Variants in MS4A13 observed in about 807,000 individuals in gnomAD.
MS4A13 encodes membrane spanning 4-domains A13.
In MS4A13, 21 loss-of-function variants were observed where a neutral mutation model predicts 18.4. That is an observed-to-expected ratio of 1.14 (90% confidence interval 0.81 to 1.64). MS4A13 has a LOEUF of 1.64. MS4A13 is among the 40% of genes most tolerant of loss of function. The pLI, the probability that MS4A13 is intolerant of heterozygous loss-of-function variation, is 0.00. For synonymous variants in MS4A13, 62 were observed against 57.2 expected (o/e 1.08, Z -0.38); for missense variants, 173 against 176.8 (o/e 0.98, Z 0.12).
chr11:60,529,692 CT>C (rs1379258231), intron 6 of MS4A13, among the ~76,000 whole-genome samples: 1 of 151,996 alleles, frequency 6.6e-6, no homozygotes, highest in Non-Finnish European at 1.5e-5. Flanking sequence ...AGTGATTTTT[CT>C]TTAATATAGT....
At chr11:60,520,764 G>C (rs552457288) in intron 3 of MS4A13, among the ~76,000 whole-genome samples, 4 of 152,198 alleles carry the variant, frequency 2.6e-5, no homozygotes, top group Non-Finnish European at 5.9e-5. Context: ...TACCATTCTG[G>C]GGTCTGGAGG....
intron 5 of MS4A13, among the ~76,000 whole-genome samples, chr11:60,527,410 C>CTCTCTCTCTCTGTGTGTG (rs1555024373): frequency 3.5e-5 from 1 of 28,788 alleles, no homozygotes; most frequent in African/African-American, 1.6e-4. Flanking sequence ...CTCTCTCTCT[C>CTCTCTCTCTCTGTGTGTG]TGTGTGTGTG....
chr11:60,520,493 C>T (rs138954198), intron 3 of MS4A13, among the ~76,000 whole-genome samples: 12 of 152,280 alleles, frequency 7.9e-5, no homozygotes, highest in East Asian at 3.9e-4. Context: ...GTTCCAAATG[C>T]GAGAAATTGG....
At chr11:60,526,139 G>T (rs1055572133) in intron 5 of MS4A13, among the ~76,000 whole-genome samples, 2 of 152,086 alleles carry the variant, frequency 1.3e-5, no homozygotes, top group South Asian at 2.1e-4. Flanking sequence ...TCAGAGGAAA[G>T]AACCCAAACC....
intron 4 of MS4A13, 68 bp from the exon 5 acceptor site, chr11:60,525,139 C>A: frequency 8.4e-7 from 1 of 1,192,204 alleles, no homozygotes; most frequent in Non-Finnish European, 1.2e-6. Flanking sequence ...GTTTTTTCAG[C>A]AATGCAAACT....
chr11:60,540,946 C>T (rs145996772), intron 6 of MS4A13, among the ~76,000 whole-genome samples: 2,031 of 135,684 alleles, frequency 0.015, 21 homozygotes, highest in African/African-American at 0.026. Flanking sequence ...CAGAGTAAAA[C>T]CCTATCTCAC....
At chr11:60,527,886 G>C (rs2086732014) in intron 5 of MS4A13, among the ~76,000 whole-genome samples, 1 of 152,060 alleles carries the variant, frequency 6.6e-6, no homozygotes, top group Non-Finnish European at 1.5e-5. Context: ...TGGGTAAAAT[G>C]ACTTTTCACA....
chr11:60,524,034 TA>T, intron 4 of MS4A13, 81 bp downstream of exon 4: 1 of 846,822 alleles, frequency 1.2e-6, no homozygotes. Context: ...ATATAACGTC[TA>T]AACAATGAAG....
At chr11:60,522,018 T>G (rs992047717) in intron 3 of MS4A13, among the ~76,000 whole-genome samples, 3 of 152,084 alleles carry the variant, frequency 2.0e-5, no homozygotes, top group South Asian at 2.1e-4. Context: ...AAACTCCCAT[T>G]TTTAAAACCA....
At chr11:60,543,197 C>T (rs182319127), downstream of MS4A13, among the ~76,000 whole-genome samples, 33 of 152,268 alleles carry the variant, frequency 2.2e-4, no homozygotes, top group Admixed American at 2.0e-3. Context: ...AGCAGACAGA[C>T]TGTCCACAAT....
rs138544018 is a variant in MS4A13 at position 60,518,154 on chromosome 11, C to T, written c.71C>T (p.Ala24Val). The change falls in exon 3 of 7, where the codon GCC becomes GTC. Residue 24 changes from alanine (A) to valine (V), a missense_variant. Transcript: ENST00000378186. Reference protein sequence around the residue: ...LVLYMGQIKGAFGTYEPVTYK... With the variant: ...LVLYMGQIKGVFGTYEPVTYK... ...TTGTATATGGGACAAATTAAAGGAGCCTTTGGAACGTATGAACCTGTAACT... is the reference window on the plus strand; with the variant it reads ...TTGTATATGGGACAAATTAAAGGAGTCTTTGGAACGTATGAACCTGTAACT... The T allele has an allele frequency of 1.9e-6, 3 of 1,611,660 alleles. No homozygotes were observed. Among genetic ancestry groups the T allele is most frequent in the African/African-American group, 1.3e-5 (1 of 74,942 alleles).
intron 3 of MS4A13, among the ~76,000 whole-genome samples, chr11:60,521,981 A>T (rs1448476620): frequency 6.6e-6 from 1 of 152,162 alleles, no homozygotes; most frequent in Admixed American, 6.6e-5. Context: ...GAATGGCAGC[A>T]GGCAAAGAGA....
At chr11:60,532,230 C>T (rs574511992) in intron 6 of MS4A13, among the ~76,000 whole-genome samples, 6 of 152,290 alleles carry the variant, frequency 3.9e-5, no homozygotes, top group South Asian at 2.1e-4. Flanking sequence ...ACGCAGAAGA[C>T]GGGTGATTTC....
chr11:60,518,836 A>T (rs1320458998), intron 3 of MS4A13, among the ~76,000 whole-genome samples: 2 of 152,230 alleles, frequency 1.3e-5, no homozygotes, highest in Non-Finnish European at 1.5e-5. Context: ...GTAGGAGTTG[A>T]TTTAAGAAAA....
chr11:60,532,643 G>A (rs2086780164), intron 6 of MS4A13, among the ~76,000 whole-genome samples: 1 of 151,750 alleles, frequency 6.6e-6, no homozygotes, highest in South Asian at 2.1e-4. Flanking sequence ...AAAGCAGCCT[G>A]GAAGCTCGAA....
intron 3 of MS4A13, among the ~76,000 whole-genome samples, chr11:60,521,163 A>T (rs766520139): frequency 1.4e-4 from 21 of 152,318 alleles, no homozygotes; most frequent in Non-Finnish European, 1.9e-4. Flanking sequence ...CGGCCCATGA[A>T]ACCACTTTTT....
At chr11:60,543,346 T>G (rs771372869), downstream of MS4A13, among the ~76,000 whole-genome samples, 1 of 152,180 alleles carries the variant, frequency 6.6e-6, no homozygotes, top group Non-Finnish European at 1.5e-5. Context: ...ATTTCAGCAC[T>G]TATCTCATTT....
chr11:60,524,799 A>T (rs902776384), intron 4 of MS4A13, among the ~76,000 whole-genome samples: 1 of 151,628 alleles, frequency 6.6e-6, no homozygotes, highest in African/African-American at 2.4e-5. Flanking sequence ...AGCTGGGCCT[A>T]CAGGTGCCCG....
chr11:60,516,907 A>G (rs1195583157), intron 2 of MS4A13, among the ~76,000 whole-genome samples: 2 of 152,008 alleles, frequency 1.3e-5, no homozygotes, highest in Admixed American at 6.6e-5. Flanking sequence ...GGAAAGTCAC[A>G]TGGAATCACT....
Sources: allele counts gnomAD v4.1 joint callset (sites outside exome capture counted in the v4.1 genomes callset), GRCh38; gene constraint gnomAD v4.1.1; transcripts MANE v1.5; gene names NCBI Gene and HGNC (gene_info 2026-07-23, HGNC 2026-07-21).